Variants in CASTOR2 observed in about 807,000 individuals in gnomAD.
The protein encoded by CASTOR2 is cytosolic arginine sensor for mTORC1 subunit 2, also known as GATS protein like 2.
Under a neutral mutation model 31.2 loss-of-function variants are expected in CASTOR2, and 8 were observed. That is an observed-to-expected ratio of 0.26 (90% CI 0.15 to 0.46). CASTOR2 has a LOEUF of 0.46. Ranked by LOEUF, CASTOR2 falls within the 20% of genes least tolerant of loss-of-function variation. The pLI is 0.99. For synonymous variants in CASTOR2, 162 were observed against 158.7 expected (o/e 1.02, Z -0.16); for missense variants, 216 against 382.1 (o/e 0.57, Z 3.62).
At position 75,026,254 on chromosome 7, in the gene CASTOR2, A is replaced by G. The variant is rs1180025836; in HGVS notation, c.*1555A>G. Among the ~76,000 whole-genome samples the G allele has an allele frequency of 2.8e-5, 4 of 144,576 alleles. No individual in the cohort carries two copies. Among genetic ancestry groups the G allele is most frequent in the African/African-American group, 1.0e-4 (4 of 38,674 alleles). 94.8% of individuals were successfully genotyped at this position (144,576 alleles called of 152,430 possible). On this transcript the variant is annotated 3_prime_UTR_variant, in exon 9 of 9. Coordinates refer to ENST00000616305, the MANE Select transcript of CASTOR2 (RefSeq NM_001145064.3). The stretch of plus-strand genomic sequence containing the variant: ...GCCTAGGCTGGAATGCAGTGGCACG[A>G]TCTTGGCTCACTACACCCTCCTCCT...
intron 1 of CASTOR2, among the ~76,000 whole-genome samples, chr7:74,977,084 T>C (rs1271819238): frequency 6.9e-5 from 10 of 145,312 alleles, no homozygotes; most frequent in Non-Finnish European, 8.9e-5. Context: ...CTGGGGAGGC[T>C]GAGGCAGGAG....
chr7:74,992,169 G>A (rs1554437404), intron 1 of CASTOR2, among the ~76,000 whole-genome samples: 1 of 152,148 alleles, frequency 6.6e-6, no homozygotes, highest in East Asian at 1.9e-4. Context: ...CACTGCTGGA[G>A]GTGAAAGGTC....
chr7:74,996,761 C>T (rs1204637571), intron 1 of CASTOR2, among the ~76,000 whole-genome samples: 24 of 91,578 alleles, frequency 2.6e-4, no homozygotes, highest in African/African-American at 8.4e-4. Context: ...CAGAATCTTA[C>T]TCTGTCACCC....
chr7:75,007,875 GCAGCC>G, intron 1 of CASTOR2, 114 bp from the exon 2 acceptor site: 1 of 1,457,000 alleles, frequency 6.9e-7, no homozygotes, highest in Non-Finnish European at 9.6e-7. Context: ...GGTCACCCCA[GCAGCC>G]TGGGGCCGGA....
intron 7 of CASTOR2, among the ~76,000 whole-genome samples, chr7:75,023,005 C>T (rs1296380485): frequency 1.3e-5 from 2 of 152,100 alleles, no homozygotes; most frequent in African/African-American, 4.8e-5. Context: ...AAATGCCTCG[C>T]CTTTTCCATC....
chr7:75,018,471 G>A (rs1240476290), intron 4 of CASTOR2, among the ~76,000 whole-genome samples: 45 of 152,300 alleles, frequency 3.0e-4, no homozygotes, highest in Admixed American at 1.9e-3. Flanking sequence ...CCCAGGAGGC[G>A]GAGGTTGTGG....
intron 1 of CASTOR2, among the ~76,000 whole-genome samples, chr7:74,984,548 A>G (rs2131924216): frequency 6.6e-6 from 1 of 152,084 alleles, no homozygotes; most frequent in African/African-American, 2.4e-5. Context: ...TTGGGAGGGC[A>G]CCCTCTGATG....
chr7:75,029,138 C>T lies in CASTOR2; in HGVS notation c.*4439C>T, dbSNP rs1482981953. Among the ~76,000 whole-genome samples, 1 of 152,160 alleles carries T rather than the reference C, an allele frequency of 6.6e-6. No individual in the cohort carries two copies. The highest frequency in any genetic ancestry group is 2.4e-5 in the African/African-American group (1 of 41,428). On this transcript the variant is annotated 3_prime_UTR_variant, in exon 9 of 9. Coordinates refer to ENST00000616305, the MANE Select transcript of CASTOR2 (RefSeq NM_001145064.3). ...GGAAGGGCCAGGCCCCTGTTAAAGCCCAGGGCACTATTTGGTGATCTTCAA... is the reference window on the plus strand; with the variant it reads ...GGAAGGGCCAGGCCCCTGTTAAAGCTCAGGGCACTATTTGGTGATCTTCAA...
chr7:75,010,587 C>T (rs1247489028), intron 2 of CASTOR2, among the ~76,000 whole-genome samples: 6 of 152,118 alleles, frequency 3.9e-5, no homozygotes, highest in African/African-American at 1.4e-4. Flanking sequence ...TTCCCCAGAG[C>T]CTTGTGACTT....
rs1803772303 is a variant in CASTOR2, at chr7:74,975,161, T to A, written c.113+10063T>A. ...TTTTTGTATTTTTAATTTAGATGGG[T>A]TTTCCCAGGTTGGACAGGCTGGTCT... On this transcript the variant is annotated intron_variant, in intron 1 of 8. Transcript: ENST00000616305. Among the ~76,000 whole-genome samples, 3 of 150,752 alleles carry A rather than the reference T, an allele frequency of 2.0e-5. 1 individual carries two copies.
chr7:74,991,980 C>T (rs1804222680), intron 1 of CASTOR2, among the ~76,000 whole-genome samples: 1 of 152,010 alleles, frequency 6.6e-6, no homozygotes, highest in African/African-American at 2.4e-5. Context: ...GACAGGGTCT[C>T]AGGAGACCCA....
chr7:74,971,954 T>C (rs1377133091), intron 1 of CASTOR2, among the ~76,000 whole-genome samples: 1 of 149,434 alleles, frequency 6.7e-6, no homozygotes. Flanking sequence ...GTCCCCTCTG[T>C]TTTTTTATTA....
chr7:75,003,965 A>G (rs1225509748), intron 1 of CASTOR2, among the ~76,000 whole-genome samples: 2 of 152,076 alleles, frequency 1.3e-5, no homozygotes, highest in Non-Finnish European at 2.9e-5. Flanking sequence ...TACTCCATTT[A>G]CACACAGGCC....
intron 1 of CASTOR2, among the ~76,000 whole-genome samples, chr7:74,995,203 ACT>A (rs1181992461): frequency 1.3e-5 from 2 of 151,224 alleles, no homozygotes; most frequent in African/African-American, 4.9e-5. Context: ...ATGAAGGAAG[ACT>A]CTTTTTTTTA....
rs797042803 is a variant in CASTOR2, at chr7:75,013,674, A to G, written c.185-3924A>G. Among the ~76,000 whole-genome samples, 18 of 152,068 alleles carry G rather than the reference A, an allele frequency of 1.2e-4. No individual in the cohort carries two copies. In the South Asian group the frequency reaches 2.9e-3, roughly 25 times the overall value. On this transcript the variant is annotated intron_variant, in intron 2 of 8. Transcript: ENST00000616305. ...AGAAAAAAAGAAGGTCTTGGCTCAA[A>G]TGGATGCAGTATGTCTGTGTGGCAG... is the stretch of plus-strand genomic sequence containing the variant.
chr7:74,996,890 G>A (rs1393180169), intron 1 of CASTOR2, among the ~76,000 whole-genome samples: 2 of 147,978 alleles, frequency 1.4e-5, no homozygotes, highest in East Asian at 2.0e-4. Flanking sequence ...CACCACGCCC[G>A]GCTAATTTTT....
rs1480801898 is a variant in CASTOR2, at chr7:74,978,228, C to T, written c.113+13130C>T. Among the ~76,000 whole-genome samples the T allele has an allele frequency of 5.1e-4, 77 of 150,066 alleles. 2 individuals are homozygous for T. The highest frequency in any genetic ancestry group is 1.8e-3 in the African/African-American group (72 of 40,742). ...AAGCAATTCTGGTCCCTCAGCCTCC[C>T]GAGTAGCTGGGATTACATGTGCACG... On this transcript the variant is annotated intron_variant, in intron 1 of 8. Coordinates refer to ENST00000616305, the MANE Select transcript of CASTOR2 (RefSeq NM_001145064.3).
intron 1 of CASTOR2, among the ~76,000 whole-genome samples, chr7:74,991,133 C>G (rs1804201492): frequency 6.6e-6 from 1 of 151,830 alleles, no homozygotes; most frequent in South Asian, 2.1e-4. Flanking sequence ...ACGAGCCACA[C>G]TATAGTTGGG....
chr7:75,030,160 A>G lies in CASTOR2; in HGVS notation c.*5461A>G, dbSNP rs953518292. On this transcript the variant is annotated 3_prime_UTR_variant, in exon 9 of 9. Coordinates refer to ENST00000616305, the MANE Select transcript of CASTOR2 (RefSeq NM_001145064.3). ...GAGGAGCTATGGAAATTGGAAGTGC[A>G]GGGTGGCCTGTGTGCTAGGAGTGGG... Among the ~76,000 whole-genome samples the G allele has an allele frequency of 9.8e-5, 15 of 152,350 alleles. No individual in the cohort carries two copies. In the South Asian group the frequency reaches 3.1e-3, roughly 32 times the overall value.
Sources: allele counts gnomAD v4.1 joint callset (sites outside exome capture counted in the v4.1 genomes callset), GRCh38; gene constraint gnomAD v4.1.1; transcripts MANE v1.5; gene names NCBI Gene and HGNC (gene_info 2026-07-23, HGNC 2026-07-21).